XKR9: variants seen among roughly 807,000 people sequenced by gnomAD.
XKR9 encodes the protein XK-related protein 9.
Under a neutral mutation model 32.0 loss-of-function variants are expected in XKR9, and 32 were observed. The observed-to-expected ratio is 1.00, with a 90% CI of 0.76 to 1.34. XKR9 has a LOEUF of 1.34. Ranked by LOEUF, XKR9 falls within the 40% of genes most tolerant of loss-of-function variation. The pLI, the probability that XKR9 is intolerant of heterozygous loss-of-function variation, is 0.00. For missense variants in XKR9, 546 were observed against 429.7 expected, an observed-to-expected ratio of 1.27 and a Z score of -2.39; for synonymous variants, 168 against 143.4, an observed-to-expected ratio of 1.17 and a Z score of -1.22.
intron 2 of XKR9, among the ~76,000 whole-genome samples, chr8:70,772,419 A>G (rs1807465919): frequency 6.6e-6 from 1 of 152,216 alleles, no homozygotes; most frequent in Non-Finnish European, 1.5e-5. Flanking sequence ...TGTTGACCCT[A>G]CAGTGATTTT....
intron 4 of XKR9, among the ~76,000 whole-genome samples, chr8:70,729,258 C>A (rs1006087246): frequency 6.6e-6 from 1 of 152,056 alleles, no homozygotes; most frequent in Non-Finnish European, 1.5e-5. Flanking sequence ...GGTAGAGAGA[C>A]AAATATGCTC....
chr8:70,854,871 A>G, the XKR9 span, among the ~76,000 whole-genome samples: 2 of 152,072 alleles, frequency 1.3e-5, no homozygotes, highest in African/African-American at 4.8e-5. Flanking sequence ...GTTCTGCTCC[A>G]TTGGTTTATA....
At chr8:70,736,202 C>T (rs1269626499), downstream of XKR9, among the ~76,000 whole-genome samples, 1 of 152,156 alleles carries the variant, frequency 6.6e-6, no homozygotes, top group Non-Finnish European at 1.5e-5. Flanking sequence ...ATTTGCATTT[C>T]TCTGATGGCC....
At chr8:70,707,947 T>C (rs1805777314) in intron 4 of XKR9, among the ~76,000 whole-genome samples, 1 of 152,052 alleles carries the variant, frequency 6.6e-6, no homozygotes. Flanking sequence ...ATGACTAGGG[T>C]TCCATTTAGT....
the XKR9 span, among the ~76,000 whole-genome samples, chr8:70,948,501 G>T: frequency 6.6e-6 from 1 of 151,624 alleles, no homozygotes; most frequent in Non-Finnish European, 1.5e-5. Flanking sequence ...TGACCACCCA[G>T]TTTTGTGAGA....
At chr8:71,063,077 A>C in the XKR9 span, among the ~76,000 whole-genome samples, 1 of 152,212 alleles carries the variant, frequency 6.6e-6, no homozygotes, top group Non-Finnish European at 1.5e-5. Context: ...TTGGTTTAGC[A>C]TCTTTGCTAA....
intron 4 of XKR9, among the ~76,000 whole-genome samples, chr8:70,732,661 T>A (rs546888514): frequency 6.6e-6 from 1 of 151,916 alleles, no homozygotes; most frequent in South Asian, 2.1e-4. Context: ...GAGACTGGAG[T>A]TTTTTTTATT....
At chr8:70,753,888 T>A (rs547208165) in intron 2 of XKR9, among the ~76,000 whole-genome samples, 81 of 147,862 alleles carry the variant, frequency 5.5e-4, no homozygotes, top group Middle Eastern at 3.4e-3. Flanking sequence ...CCACTCCTAT[T>A]CAACATAGTG....
chr8:71,059,394 A>G, the XKR9 span, among the ~76,000 whole-genome samples: 1 of 152,246 alleles, frequency 6.6e-6, no homozygotes, highest in African/African-American at 2.4e-5. Context: ...TCCCGAAGTT[A>G]TGAGCTACCT....
chr8:70,799,418 C>T, the XKR9 span, among the ~76,000 whole-genome samples: 3 of 152,166 alleles, frequency 2.0e-5, no homozygotes, highest in Non-Finnish European at 2.9e-5. Flanking sequence ...GCAACCTCCA[C>T]CACTGGGGCT....
chr8:70,806,308 A>G, the XKR9 span, among the ~76,000 whole-genome samples: 1 of 152,238 alleles, frequency 6.6e-6, no homozygotes, highest in Non-Finnish European at 1.5e-5. Flanking sequence ...CAAAGTTGAG[A>G]AGGAATCAAT....
chr8:70,740,217 T>G (rs1345688727), downstream of XKR9, among the ~76,000 whole-genome samples: 1 of 152,210 alleles, frequency 6.6e-6, no homozygotes, highest in African/African-American at 2.4e-5. Context: ...TTTCATTCAT[T>G]TCATCTTCCA....
chr8:70,889,937 G>A, the XKR9 span, among the ~76,000 whole-genome samples: 2 of 152,148 alleles, frequency 1.3e-5, no homozygotes, highest in South Asian at 4.1e-4. Flanking sequence ...TATATACCCA[G>A]TAATGGGACT....
At chr8:70,909,455 T>C in the XKR9 span, among the ~76,000 whole-genome samples, 1 of 152,268 alleles carries the variant, frequency 6.6e-6, no homozygotes, top group Admixed American at 6.5e-5. Flanking sequence ...TCCCACTCTG[T>C]GTTCCAATAG....
intron 2 of XKR9, among the ~76,000 whole-genome samples, chr8:70,767,498 T>TC: frequency 1.6e-5 from 1 of 61,354 alleles, no homozygotes; most frequent in African/African-American, 1.1e-4. Context: ...TTTTCCTTCT[T>TC]TTTTTTTTTT....
chr8:70,714,938 G>A (rs1307087398), intron 4 of XKR9, among the ~76,000 whole-genome samples: 1 of 152,104 alleles, frequency 6.6e-6, no homozygotes, highest in Admixed American at 6.6e-5. Context: ...TTTGACAATG[G>A]CACAAAATTT....
At chr8:70,754,273 A>C (rs1315337254) in intron 2 of XKR9, among the ~76,000 whole-genome samples, 6 of 147,410 alleles carry the variant, frequency 4.1e-5, no homozygotes, top group Non-Finnish European at 6.0e-5. Flanking sequence ...GAGGATACAA[A>C]CAAATGGGAG....
At chr8:70,910,401 G>A in the XKR9 span, among the ~76,000 whole-genome samples, 1 of 152,104 alleles carries the variant, frequency 6.6e-6, no homozygotes, top group South Asian at 2.1e-4. Context: ...ACTAATTGGG[G>A]ATATGGGCTC....
rs953647815 is a variant in XKR9 at position 70,781,762 on chromosome 8, A to G, written n.353-7577A>G. ...CTTTTGAGAGTTGTCTATTCAGCTC[A>G]TTTATCCAAAGAGTATACTCTTGAT... On this transcript the variant is annotated intron_variant and non_coding_transcript_variant, in intron 2 of 3. Transcript: ENST00000520273. 3.3e-5 allele frequency among the ~76,000 whole-genome samples: 5 copies of G among 152,188 alleles called. No homozygotes were observed. The East Asian group carries it at 9.7e-4, about 29-fold the overall frequency.
Sources: gnomAD v4.1 joint callset for allele counts (sites outside exome capture counted in the v4.1 genomes callset) on GRCh38, gnomAD v4.1.1 for gene constraint, MANE v1.5 for transcripts, NCBI Gene and HGNC (gene_info 2026-07-23, HGNC 2026-07-21) for gene names.